Variants in CDH12 observed in about 807,000 individuals in gnomAD.
The protein encoded by CDH12 is cadherin-12.
CDH12 carries 41 observed loss-of-function variants against 74.1 expected under a neutral mutation model. The observed-to-expected ratio is 0.55, with a 90% confidence interval of 0.43 to 0.72. The LOEUF (loss-of-function observed/expected upper bound fraction) is 0.72. Among genes scored for constraint, CDH12 ranks in the 30% least tolerant of loss-of-function variants. CDH12 has a pLI of 0.00. For synonymous variants in CDH12, 399 were observed against 355.0 expected, an observed-to-expected ratio of 1.12 and a Z score of -1.39; for missense variants, 945 against 977.2, an observed-to-expected ratio of 0.97 and a Z score of 0.44.
chr5:21,784,793 A>G (rs1466402534), intron 10 of CDH12, among the ~76,000 whole-genome samples: 1 of 152,168 alleles, frequency 6.6e-6, no homozygotes, highest in African/African-American at 2.4e-5. Flanking sequence ...CAAGCTGATT[A>G]TTTGAAACTG....
At chr5:21,979,302 A>T (rs1277366566) in intron 5 of CDH12, among the ~76,000 whole-genome samples, 2 of 152,182 alleles carry the variant, frequency 1.3e-5, no homozygotes, top group Non-Finnish European at 2.9e-5. Flanking sequence ...TTCTCCCCAG[A>T]AAAAGAGTTC....
chr5:22,138,527 A>G (rs1374623918), intron 4 of CDH12, among the ~76,000 whole-genome samples: 1 of 151,298 alleles, frequency 6.6e-6, no homozygotes, highest in Non-Finnish European at 1.5e-5. Context: ...GAAAAAAACA[A>G]AATGAATGTC....
intron 3 of CDH12, among the ~76,000 whole-genome samples, chr5:22,261,740 G>A (rs1307496531): frequency 6.6e-6 from 1 of 150,742 alleles, no homozygotes; most frequent in African/African-American, 2.4e-5. Context: ...AAATTTGCAT[G>A]TGTCCCACAC....
At position 22,079,400 on chromosome 5, in the gene CDH12, C is replaced by G. The variant is rs372544835; in HGVS notation, c.-186-538G>C. ...GAGCAAAAAATGCCAAAATTAAGAA[C>G]CACAATGTAGAGAATAAAGAAAACA... On this transcript the variant is annotated intron_variant, in intron 4 of 14. Coordinates refer to ENST00000382254, the MANE Select transcript of CDH12 (RefSeq NM_004061.5). Among the ~76,000 whole-genome samples, 7 of 152,028 alleles carry G rather than the reference C, an allele frequency of 4.6e-5. No homozygotes were observed. In the East Asian group the frequency reaches 1.4e-3, roughly 29 times the overall value.
chr5:22,563,016 C>G (rs887169075), intron 1 of CDH12, among the ~76,000 whole-genome samples: 19 of 145,438 alleles, frequency 1.3e-4, no homozygotes, highest in Non-Finnish European at 2.6e-4. Context: ...ATATATATTT[C>G]TATATTTAAA....
intron 2 of CDH12, among the ~76,000 whole-genome samples, chr5:22,483,377 A>G (rs775125748): frequency 6.6e-6 from 1 of 152,076 alleles, no homozygotes; most frequent in South Asian, 2.1e-4. Context: ...TACCTACACT[A>G]TGCCAGGAGC....
At chr5:22,402,695 T>C (rs541953872) in intron 3 of CDH12, among the ~76,000 whole-genome samples, 1 of 152,294 alleles carries the variant, frequency 6.6e-6, no homozygotes, top group South Asian at 2.1e-4. Context: ...ATTAGGAATT[T>C]CACTGTTGGA....
At chr5:22,012,042 A>G (rs1185584679) in intron 5 of CDH12, among the ~76,000 whole-genome samples, 1 of 152,110 alleles carries the variant, frequency 6.6e-6, no homozygotes. Flanking sequence ...TTAAATATTA[A>G]TTGCATCCAA....
At chr5:22,254,657 C>T (rs1482482030) in intron 3 of CDH12, among the ~76,000 whole-genome samples, 4 of 151,314 alleles carry the variant, frequency 2.6e-5, no homozygotes, top group Non-Finnish European at 5.9e-5. Context: ...TACGTCTGAA[C>T]TTAAAATAAA....
chr5:22,032,043 G>A (rs926355881), intron 5 of CDH12, among the ~76,000 whole-genome samples: 1 of 151,376 alleles, frequency 6.6e-6, no homozygotes, highest in Non-Finnish European at 1.5e-5. Context: ...AACAATATCT[G>A]CAAAGCTCAA....
chr5:22,194,431 A>C (rs1203643011), intron 4 of CDH12, among the ~76,000 whole-genome samples: 1 of 151,142 alleles, frequency 6.6e-6, no homozygotes, highest in Non-Finnish European at 1.5e-5. Flanking sequence ...TCCTGGGTTC[A>C]AGCGATTCTC....
At chr5:22,243,738 T>A (rs1040109289) in intron 3 of CDH12, among the ~76,000 whole-genome samples, 1 of 152,186 alleles carries the variant, frequency 6.6e-6, no homozygotes, top group Non-Finnish European at 1.5e-5. Flanking sequence ...TGATTAACAT[T>A]TTTTTGAGGA....
chr5:21,855,893 T>C (rs1161969502), intron 6 of CDH12, among the ~76,000 whole-genome samples: 1 of 151,842 alleles, frequency 6.6e-6, no homozygotes, highest in African/African-American at 2.4e-5. Context: ...CATTTTCTTT[T>C]AATAAAATGT....
chr5:22,398,646 G>T (rs556793636), intron 3 of CDH12, among the ~76,000 whole-genome samples: 51 of 152,236 alleles, frequency 3.4e-4, no homozygotes, highest in African/African-American at 1.1e-3. Context: ...GGTTCTAAGG[G>T]TGGTAGATAT....
rs571793861 is a variant in CDH12, at chr5:22,029,706, A to G, written c.231+48740T>C. Among the ~76,000 whole-genome samples the G allele has an allele frequency of 4.1e-3, 621 of 152,202 alleles. 8 individuals are homozygous for G. Among genetic ancestry groups the G allele is most frequent in the Middle Eastern group, 0.014 (4 of 294 alleles). On this transcript the variant is annotated intron_variant, in intron 5 of 14. Coordinates refer to ENST00000382254, the MANE Select transcript of CDH12 (RefSeq NM_004061.5). ...CAACCATTGTGGAAGTCAGTGTGGC[A>G]ATTCCTCAGGGATCTAGAACTAGAA...
At chr5:22,185,362 C>T (rs539009284) in intron 4 of CDH12, among the ~76,000 whole-genome samples, 3 of 152,180 alleles carry the variant, frequency 2.0e-5, no homozygotes, top group Admixed American at 1.3e-4. Context: ...CCATGCCTGG[C>T]TAATTTTTTT....
At chr5:22,279,983 A>G (rs1736805733) in intron 3 of CDH12, among the ~76,000 whole-genome samples, 1 of 152,198 alleles carries the variant, frequency 6.6e-6, no homozygotes, top group South Asian at 2.1e-4. Flanking sequence ...ACTAGTTTAC[A>G]GTCCCACCAA....
chr5:21,775,577 T>A (rs1032846119), intron 11 of CDH12, among the ~76,000 whole-genome samples: 2 of 152,134 alleles, frequency 1.3e-5, no homozygotes, highest in African/African-American at 2.4e-5. Context: ...AACATGACTT[T>A]TCATAGCTAT....
At chr5:21,882,834 A>G (rs1319347857) in intron 6 of CDH12, 4 of 1,551,338 alleles carry the variant, frequency 2.6e-6, no homozygotes, top group Non-Finnish European at 3.6e-6. Context: ...GACTGTTGCA[A>G]AGTCAATTGA....
Sources: allele counts gnomAD v4.1 joint callset (sites outside exome capture counted in the v4.1 genomes callset), GRCh38; gene constraint gnomAD v4.1.1; transcripts MANE v1.5; gene names NCBI Gene and HGNC (gene_info 2026-07-23, HGNC 2026-07-21).